The following MINDY4 variants were observed in gnomAD, a reference collection of about 807,000 sequenced individuals.
The protein encoded by MINDY4 is MINDY lysine 48 deubiquitinase 4, also known as probable ubiquitin carboxyl-terminal hydrolase MINDY-4.
A neutral mutation model predicts 87.0 loss-of-function variants in MINDY4; 68 were observed. The observed-to-expected ratio is 0.78, with a 90% confidence interval of 0.64 to 0.96. MINDY4 has a LOEUF of 0.96. Among genes scored for constraint, MINDY4 ranks in the 40% least tolerant of loss-of-function variants. MINDY4 has a pLI of 0.00. For missense variants in MINDY4, 919 were observed against 928.2 expected (o/e 0.99, Z 0.13); for synonymous variants, 379 against 363.2 (o/e 1.04, Z -0.50).
chr7:30,885,765 C>G (rs1346915806), intron 17 of MINDY4, among the ~76,000 whole-genome samples: 1 of 144,464 alleles, frequency 6.9e-6, no homozygotes, highest in African/African-American at 2.6e-5. Flanking sequence ...CATTGATTCT[C>G]TGGCCCGCCA....
intron 5 of MINDY4, among the ~76,000 whole-genome samples, chr7:30,792,434 G>C (rs1318228961): frequency 6.6e-6 from 1 of 152,156 alleles, no homozygotes; most frequent in Non-Finnish European, 1.5e-5. Context: ...TGAAGAGTGA[G>C]TGTAAGATTG....
intron 1 of MINDY4, among the ~76,000 whole-genome samples, chr7:30,774,813 C>T (rs919212741): frequency 5.3e-5 from 8 of 151,956 alleles, no homozygotes; most frequent in Admixed American, 4.6e-4. Flanking sequence ...TTTCTCTGTC[C>T]TGTGCACTCT....
Position 30,791,226 on chromosome 7 carries a change from A to G in MINDY4, c.725A>G (p.Gln242Arg). 1 of 1,614,072 alleles carries G rather than the reference A, an allele frequency of 6.2e-7. No individual in the cohort carries two copies. The highest frequency in any genetic ancestry group is 1.3e-5 in the African/African-American group (1 of 75,010). Reference protein sequence around the residue: ...SSPSSSSTQPQEESRKVPELF... With the variant: ...SSPSSSSTQPREESRKVPELF... ...CCGTCAAGCAGCTCCACCCAACCCCAAGAAGAGAGCCGGAAGGTCCCTGAG... is the reference window on the plus strand; with the variant it reads ...CCGTCAAGCAGCTCCACCCAACCCCGAGAAGAGAGCCGGAAGGTCCCTGAG... The change falls in exon 5 of 18, where the codon CAA (glutamine) becomes CGA (arginine). Residue 242 changes from glutamine (Q) to arginine (R), a missense_variant. Gln to Arg is a conservative substitution (Grantham distance 43). Coordinates refer to ENST00000265299, the MANE Select transcript of MINDY4 (RefSeq NM_032222.3).
intron 17 of MINDY4, 78 bp downstream of exon 17, chr7:30,883,071 G>A: frequency 3.2e-5 from 44 of 1,383,786 alleles, no homozygotes; most frequent in Non-Finnish European, 4.4e-5. Context: ...GGTCAGGCCT[G>A]CAGGAAGGCA....
chr7:30,811,437 G>A (rs968025305), intron 5 of MINDY4, among the ~76,000 whole-genome samples: 1 of 152,124 alleles, frequency 6.6e-6, no homozygotes, highest in South Asian at 2.1e-4. Context: ...AGTCACTACC[G>A]ATCTGTCTTG....
intron 15 of MINDY4, among the ~76,000 whole-genome samples, chr7:30,880,309 C>CCCCG (rs138112353): frequency 1.3e-5 from 2 of 148,734 alleles, no homozygotes; most frequent in South Asian, 4.5e-4. Flanking sequence ...CGCACCCCCC[C>CCCCG]CCACCCCCGA....
intron 2 of MINDY4, 26 bp downstream of exon 2, chr7:30,778,577 G>A: frequency 6.2e-7 from 1 of 1,613,794 alleles, no homozygotes; most frequent in East Asian, 2.2e-5. Context: ...GGTGTGGTGT[G>A]GAGTCTTGGA....
chr7:30,833,297 C>T (rs375606000), intron 6 of MINDY4, among the ~76,000 whole-genome samples: 2 of 152,332 alleles, frequency 1.3e-5, no homozygotes, highest in East Asian at 3.9e-4. Context: ...GCCTCACAAT[C>T]ATGGTGGAAG....
chr7:30,856,026 C>T (rs71530531), intron 12 of MINDY4, among the ~76,000 whole-genome samples: 3,123 of 152,336 alleles, frequency 0.021, 48 homozygotes, highest in Non-Finnish European at 0.033. Context: ...CAATAGCCTC[C>T]TTGCTGTGTT....
chr7:30,781,739 C>A, intron 2 of MINDY4: 1 of 495,224 alleles, frequency 2.0e-6, no homozygotes, highest in Non-Finnish European at 3.5e-6. Context: ...TATTGAATCA[C>A]CTGCCTCATG....
At chr7:30,805,551 G>A (rs1787779175) in intron 5 of MINDY4, among the ~76,000 whole-genome samples, 2 of 152,128 alleles carry the variant, frequency 1.3e-5, no homozygotes, top group Admixed American at 1.3e-4. Context: ...AGTGGTCAGA[G>A]CAGAGCCCCA....
intron 6 of MINDY4, among the ~76,000 whole-genome samples, chr7:30,834,733 C>T (rs1485758269): frequency 2.6e-5 from 4 of 152,280 alleles, no homozygotes; most frequent in East Asian, 1.9e-4. Context: ...GCACTCAAGT[C>T]GCCTCTTGAA....
chr7:30,800,112 G>T (rs1787603353), intron 5 of MINDY4, among the ~76,000 whole-genome samples: 1 of 152,202 alleles, frequency 6.6e-6, no homozygotes, highest in African/African-American at 2.4e-5. Context: ...ATTGACAGCA[G>T]CTGGGAAGTA....
chr7:30,841,013 A>G (rs57742424), intron 9 of MINDY4, among the ~76,000 whole-genome samples, 165 bp downstream of exon 9: 6,718 of 152,222 alleles, frequency 0.044, 216 homozygotes, highest in East Asian at 0.11. Flanking sequence ...TGCGCAGACC[A>G]GTGTTAAGGG....
chr7:30,830,048 G>A (rs1788650189), intron 6 of MINDY4, among the ~76,000 whole-genome samples: 1 of 152,142 alleles, frequency 6.6e-6, no homozygotes, highest in African/African-American at 2.4e-5. Context: ...TTCATGAAAG[G>A]AAAGGAAGGA....
At chr7:30,859,734 G>A (rs1013924538) in intron 13 of MINDY4, among the ~76,000 whole-genome samples, 5 of 152,190 alleles carry the variant, frequency 3.3e-5, no homozygotes, top group African/African-American at 1.2e-4. Flanking sequence ...GACCAAGGCA[G>A]CCCTGCAGTC....
chr7:30,774,680 T>G (rs954056499), intron 1 of MINDY4, among the ~76,000 whole-genome samples: 1 of 151,970 alleles, frequency 6.6e-6, no homozygotes, highest in Non-Finnish European at 1.5e-5. Flanking sequence ...CCCTTCTTGA[T>G]CTAATGATTA....
chr7:30,850,370 A>T, intron 9 of MINDY4, 84 bp from the exon 10 acceptor site: 2 of 1,261,906 alleles, frequency 1.6e-6, no homozygotes, highest in Non-Finnish European at 2.2e-6. Context: ...TGCGGAGGGG[A>T]CTGCCTGACC....
chr7:30,843,762 C>T lies in MINDY4; in HGVS notation c.1445+2914C>T, dbSNP rs534168907. 4.7e-4 allele frequency among the ~76,000 whole-genome samples: 57 copies of T among 121,602 alleles called. No homozygotes were observed. The South Asian group carries it at 8.2e-3, about 18-fold the overall frequency. 79.8% of individuals were successfully genotyped at this position (121,602 alleles called of 152,430 possible). A position where few individuals can be genotyped will look rare whatever the true frequency, so the allele number is the denominator to read the frequency against. On this transcript the variant is annotated intron_variant, in intron 9 of 17. Transcript: ENST00000265299. ...AGTGAGGTTTTCTATCTGTCGTTGC[C>T]GGCCAGGCAGGTACCTCCTAGCTGC...
Sources: gnomAD v4.1 joint callset for allele counts (sites outside exome capture counted in the v4.1 genomes callset) on GRCh38, gnomAD v4.1.1 for gene constraint, MANE v1.5 for transcripts, NCBI Gene and HGNC (gene_info 2026-07-23, HGNC 2026-07-21) for gene names.